PNLIP: variants seen among roughly 807,000 people sequenced by gnomAD.
PNLIP encodes pancreatic lipase, also known as pancreatic triacylglycerol lipase.
In PNLIP, 49 loss-of-function variants were observed where a neutral mutation model predicts 57.1. That is an observed-to-expected ratio of 0.86 (90% CI 0.68 to 1.09). PNLIP has a LOEUF of 1.09. PNLIP is among the 50% of genes least tolerant of loss of function. PNLIP has a pLI of 0.00. For missense variants in PNLIP, 503 were observed against 570.2 expected (o/e 0.88, Z 1.20); for synonymous variants, 209 against 200.4 (o/e 1.04, Z -0.36).
chr10:116,567,104 T>C (rs1311503759), intron 12 of PNLIP, among the ~76,000 whole-genome samples: 1 of 79,636 alleles, frequency 1.3e-5, no homozygotes, highest in Non-Finnish European at 2.9e-5. Flanking sequence ...CTTCCATCCT[T>C]CCTCCCTCCT....
chr10:116,558,199 CTTT>C (rs71010092), intron 9 of PNLIP, among the ~76,000 whole-genome samples: 12 of 118,240 alleles, frequency 1.0e-4, no homozygotes, highest in Non-Finnish European at 1.3e-4. Context: ...ATCTTTCTTT[CTTT>C]TTTTTTTTTT....
intron 9 of PNLIP, among the ~76,000 whole-genome samples, chr10:116,558,185 T>C (rs901016485): frequency 1.5e-4 from 22 of 148,084 alleles, no homozygotes; most frequent in African/African-American, 5.4e-4. Context: ...GTTCTACTTA[T>C]GCAATCTTTC....
At chr10:116,554,896 T>C (rs956017009) in intron 6 of PNLIP, among the ~76,000 whole-genome samples, 1 of 152,190 alleles carries the variant, frequency 6.6e-6, no homozygotes, top group Non-Finnish European at 1.5e-5. Context: ...ATTTTAACCC[T>C]GCGTGGTTTT....
At position 116,559,368 on chromosome 10, in the gene PNLIP, C is replaced by G; in HGVS notation, c.1060+85C>G. 3 of 1,063,724 alleles carry G rather than the reference C, an allele frequency of 2.8e-6. 1 individual carries two copies. Among genetic ancestry groups the G allele is most frequent in the Middle Eastern group, 2.7e-4 (1 of 3,662 alleles). 65.9% of individuals were successfully genotyped at this position (1,063,724 alleles called of 1,614,324 possible). ...ACTGAAAATGTGCATACTTGCTTTT[C>G]TATACAAAAGCTTTAAACACCCCCT... On this transcript the variant is annotated intron_variant, in intron 10 of 12. Coordinates refer to ENST00000369221, the MANE Select transcript of PNLIP (RefSeq NM_000936.4).
chr10:116,565,245 G>A (rs1847352614), intron 12 of PNLIP, among the ~76,000 whole-genome samples: 1 of 11,524 alleles, frequency 8.7e-5, no homozygotes, highest in Non-Finnish European at 1.6e-4. Flanking sequence ...GCGAGACAAT[G>A]TCTCAAAAAA....
chr10:116,551,024 G>A, intron 4 of PNLIP, 74 bp from the exon 5 acceptor site: 1 of 1,253,324 alleles, frequency 8.0e-7, no homozygotes, highest in Non-Finnish European at 1.1e-6. Context: ...ATTTATCCTA[G>A]TCCTCCAGTA....
At chr10:116,560,745 T>C (rs1353317316) in intron 11 of PNLIP, among the ~76,000 whole-genome samples, 1 of 151,642 alleles carries the variant, frequency 6.6e-6, no homozygotes, top group Admixed American at 6.6e-5. Context: ...GCCTGGCTAA[T>C]TTTTGTATTT....
At chr10:116,555,334 G>A in intron 7 of PNLIP, 37 bp downstream of exon 7, 1 of 1,614,142 alleles carries the variant, frequency 6.2e-7, no homozygotes, top group Non-Finnish European at 8.5e-7. Flanking sequence ...GGGTGTTATA[G>A]TGTCTGAGTC....
rs1194720911 is a variant in PNLIP at position 116,555,166 on chromosome 10, TCTTTA to T, written c.572-6_572-2del. On this transcript the variant is annotated splice_polypyrimidine_tract_variant and splice_region_variant and intron_variant, in intron 6 of 12. Transcript: ENST00000369221. ...ACTTGTCATAATTCATGAAACATAC[TCTTTA>T]CTTTAGGGTTGGACCCAGCAGAACC... 4.3e-6 allele frequency: 7 copies of T among 1,614,062 alleles called. No homozygotes were observed. The highest frequency in any genetic ancestry group is 2.7e-5 in the African/African-American group (2 of 75,064).
intron 3 of PNLIP, among the ~76,000 whole-genome samples, chr10:116,548,085 A>G (rs774748046): frequency 3.9e-5 from 6 of 152,130 alleles, no homozygotes; most frequent in Non-Finnish European, 8.8e-5. Context: ...ACGCACACAC[A>G]CACACACAAA....
intron 8 of PNLIP, 120 bp from the exon 9 acceptor site, chr10:116,555,880 C>T: frequency 1.4e-6 from 1 of 691,018 alleles, no homozygotes; most frequent in East Asian, 2.5e-5. Flanking sequence ...TGACTTTGTT[C>T]TGTGACCTGC....
rs1346101627 is a variant in PNLIP at position 116,551,175 on chromosome 10, C to T, written c.402C>T (p.Ala134=). The change falls in exon 5 of 13, where the codon GCC becomes GCT. Residue 134 remains alanine (A), a synonymous_variant. Coordinates refer to ENST00000369221, the MANE Select transcript of PNLIP (RefSeq NM_000936.4). ...KGGSRTGYTQ[A]SQNIRIVGAE... ...GCTCCCGAACTGGATACACACAAGC[C>T]TCGCAGAACATCAGGATCGTGGGAG... is the stretch of plus-strand genomic sequence containing the variant. 5 of 1,612,688 alleles carry T rather than the reference C, an allele frequency of 3.1e-6. No individual in the cohort carries two copies. The highest frequency in any genetic ancestry group is 4.2e-6 in the Non-Finnish European group (5 of 1,179,362).
Position 116,555,247 on chromosome 10 carries a change from A to G in PNLIP, c.641A>G (p.Lys214Arg), listed in dbSNP as rs564740062. 76 of 1,614,178 alleles carry G rather than the reference A, an allele frequency of 4.7e-5. No individual in the cohort carries two copies. The South Asian group carries it at 8.3e-4, about 18-fold the overall frequency. Residue 214 changes from lysine (K) to arginine (R), a missense_variant, in exon 7 of 13, where the codon AAA becomes AGA. Lys to Arg is a conservative substitution (Grantham distance 26, BLOSUM62 2). Coordinates refer to ENST00000369221, the MANE Select transcript of PNLIP (RefSeq NM_000936.4). ...ELVRLDPSDA[K>R]FVDVIHTDGA... Reference sequence around the variant, plus strand: ...GTCCGATTGGACCCCAGCGATGCCAAATTTGTGGATGTAATTCACACGGAT... The same window carrying G: ...GTCCGATTGGACCCCAGCGATGCCAGATTTGTGGATGTAATTCACACGGAT...
At chr10:116,554,986 CA>C (rs1265373382) in intron 6 of PNLIP, among the ~76,000 whole-genome samples, 191 bp from the exon 7 acceptor site, 1 of 152,142 alleles carries the variant, frequency 6.6e-6, no homozygotes, top group Non-Finnish European at 1.5e-5. Context: ...ACTATGGAGC[CA>C]TGAGGAAAGG....
chr10:116,549,342 G>A lies in PNLIP; in HGVS notation c.324+860G>A, dbSNP rs560739902. On this transcript the variant is annotated intron_variant, in intron 4 of 12. Coordinates refer to ENST00000369221, the MANE Select transcript of PNLIP (RefSeq NM_000936.4). ...ACTATAAAAAAAATTAGCCAGGTAT[G>A]GTGGCACGCACCTGTAATCCCAGCT... is the stretch of plus-strand genomic sequence containing the variant. Among the ~76,000 whole-genome samples, 6 of 152,258 alleles carry A rather than the reference G, an allele frequency of 3.9e-5. No homozygotes were observed. The South Asian group carries it at 1.2e-3, about 32-fold the overall frequency.
chr10:116,555,654 C>T, intron 8 of PNLIP, 147 bp downstream of exon 8: 2 of 939,418 alleles, frequency 2.1e-6, no homozygotes, highest in African/African-American at 1.6e-5. Flanking sequence ...TGTAGGTTTT[C>T]ACTGGGATAA....
Position 116,561,481 on chromosome 10 carries a change from C to G in PNLIP, c.1179C>G (p.Leu393=). The G allele has an allele frequency of 3.1e-6, 5 of 1,611,912 alleles. No homozygotes were observed. Among genetic ancestry groups the G allele is most frequent in the Non-Finnish European group, 4.2e-6 (5 of 1,179,086 alleles). Residue 393 remains leucine, a synonymous_variant, in exon 12 of 13, where the codon CTC becomes CTG. Transcript: ENST00000369221. ...CTTCTTAAATCCTTAGGGGCACTCT[C>G]AAACCAGATAGTACTCATTCCAATG... ...SKQYEIFKGT[L]KPDSTHSNEF... is the part of the protein sequence containing the mutation.
intron 2 of PNLIP, among the ~76,000 whole-genome samples, 156 bp downstream of exon 2, chr10:116,546,294 G>A (rs1304308685): frequency 6.6e-6 from 1 of 152,102 alleles, no homozygotes; most frequent in Non-Finnish European, 1.5e-5. Context: ...ACATGGAGTA[G>A]GGTTGTCAGA....
intron 6 of PNLIP, among the ~76,000 whole-genome samples, chr10:116,554,301 A>C (rs1490711595): frequency 6.6e-6 from 1 of 152,230 alleles, no homozygotes; most frequent in African/African-American, 2.4e-5. Flanking sequence ...AAATATAATT[A>C]AACCTAAGGA....
Sources: gnomAD v4.1 joint callset for allele counts (sites outside exome capture counted in the v4.1 genomes callset) on GRCh38, gnomAD v4.1.1 for gene constraint, MANE v1.5 for transcripts, NCBI Gene and HGNC (gene_info 2026-07-23, HGNC 2026-07-21) for gene names.